TEX11: variants seen among roughly 807,000 people sequenced by gnomAD.
TEX11 encodes the protein testis-expressed protein 11.
In TEX11, 7 loss-of-function variants were observed where a neutral mutation model predicts 84.4. The ratio of observed to expected loss-of-function variants is 0.08; its 90% CI spans 0.05 to 0.16. The LOEUF is 0.16. Ranked by LOEUF, TEX11 falls within the 10% of genes least tolerant of loss-of-function variation. The pLI, the probability that TEX11 is intolerant of heterozygous loss-of-function variation, is 1.00. For synonymous variants in TEX11, 264 were observed against 222.8 expected (o/e 1.18, Z -1.64); for missense variants, 551 against 660.5 (o/e 0.83, Z 1.82).
At chrX:70,752,524 CAAAAAAAAAAAAA>C (rs753939405) in intron 9 of TEX11, among the ~76,000 whole-genome samples, 4 of 28,191 alleles carry the variant, frequency 1.4e-4, no homozygotes, top group Non-Finnish European at 2.1e-4. Flanking sequence ...TACTCTGTCT[CAAAAAAAAAAAAA>C]AAAAAAAAGA....
At chrX:70,560,900 T>G (rs1365190399) in intron 25 of TEX11, among the ~76,000 whole-genome samples, 1 of 35,648 alleles carries the variant, frequency 2.8e-5, no homozygotes, top group East Asian at 5.4e-4. Flanking sequence ...CCGGTTTTTT[T>G]TTTTTTTTTT....
chrX:70,753,436 G>A (rs1328383015), intron 9 of TEX11, among the ~76,000 whole-genome samples: 2 of 103,970 alleles, frequency 1.9e-5, no homozygotes, highest in South Asian at 4.6e-4. Context: ...GGTCAGGGTT[G>A]TGAGGCCCCC....
intron 2 of TEX11, among the ~76,000 whole-genome samples, chrX:70,888,431 T>C (rs1444382782): frequency 1.8e-5 from 2 of 112,488 alleles, no homozygotes; most frequent in Non-Finnish European, 3.8e-5. Flanking sequence ...GCAACTAGCA[T>C]ACTGAAGAAA....
At chrX:70,892,171 A>T (rs1325178551) in intron 2 of TEX11, among the ~76,000 whole-genome samples, 2 of 111,723 alleles carry the variant, frequency 1.8e-5, no homozygotes, top group Non-Finnish European at 1.9e-5. Flanking sequence ...AATAAAAATA[A>T]ATAAAATCCT....
intron 17 of TEX11, among the ~76,000 whole-genome samples, chrX:70,642,177 G>A (rs2089669064): frequency 1.8e-5 from 2 of 111,664 alleles, no homozygotes; most frequent in Non-Finnish European, 3.8e-5. Context: ...AGAAGAAATG[G>A]ATAAACTCCT....
chrX:70,689,420 G>A (rs1040141389), intron 13 of TEX11, among the ~76,000 whole-genome samples: 1 of 111,670 alleles, frequency 9.0e-6, no homozygotes, highest in African/African-American at 3.2e-5. Context: ...TACTTTGCCA[G>A]TGAGAGGAAC....
At chrX:70,785,206 G>A (rs1226273415) in intron 9 of TEX11, among the ~76,000 whole-genome samples, 2 of 111,665 alleles carry the variant, frequency 1.8e-5, no homozygotes, top group Non-Finnish European at 3.8e-5. Context: ...TGACAAACCT[G>A]ACAAAAACAA....
chrX:70,829,498 A>C (rs1271565650), intron 8 of TEX11, among the ~76,000 whole-genome samples: 1 of 108,116 alleles, frequency 9.2e-6, no homozygotes, highest in Admixed American at 1.0e-4. Context: ...AAAAAAAAAA[A>C]AAAACAGTAA....
the TEX11 span, among the ~76,000 whole-genome samples, chrX:70,521,133 C>T: frequency 2.0e-3 from 227 of 111,223 alleles, 1 homozygote; most frequent in African/African-American, 5.7e-3. Flanking sequence ...AGCTCACCCT[C>T]GGTGGGCTGC....
chrX:70,841,943 T>C (rs1402241468), intron 7 of TEX11, among the ~76,000 whole-genome samples: 1 of 111,572 alleles, frequency 9.0e-6, no homozygotes, highest in African/African-American at 3.3e-5. Context: ...AGAAGTTGAA[T>C]CTCTGAATAG....
At chrX:70,901,740 C>T (rs1424707381) in intron 2 of TEX11, among the ~76,000 whole-genome samples, 4 of 111,416 alleles carry the variant, frequency 3.6e-5, no homozygotes, top group African/African-American at 1.3e-4. Context: ...GGTAATGGTC[C>T]GTGGCCCAGG....
At chrX:70,627,214 G>A (rs2089459938) in intron 18 of TEX11, among the ~76,000 whole-genome samples, 1 of 112,288 alleles carries the variant, frequency 8.9e-6, no homozygotes, top group Non-Finnish European at 1.9e-5. Context: ...AATCTTTAGA[G>A]GAGTTTAACT....
intron 17 of TEX11, among the ~76,000 whole-genome samples, chrX:70,639,658 G>C (rs6624485): frequency 0.52 from 56,876 of 110,063 alleles, 11,333 homozygotes; most frequent in East Asian, 0.75. Context: ...AGCAGGGGCA[G>C]ACTGACACCT....
At chrX:70,520,324 A>T in the TEX11 span, among the ~76,000 whole-genome samples, 2 of 111,466 alleles carry the variant, frequency 1.8e-5, no homozygotes, top group Non-Finnish European at 3.8e-5. Context: ...CTTTTTGTTG[A>T]TGTTGATGCT....
chrX:70,831,020 G>A (rs1396633321), intron 8 of TEX11, among the ~76,000 whole-genome samples: 2 of 111,842 alleles, frequency 1.8e-5, no homozygotes, highest in Admixed American at 9.6e-5. Flanking sequence ...CTTGTTCACT[G>A]CAGCATTATT....
intron 8 of TEX11, among the ~76,000 whole-genome samples, chrX:70,808,589 G>T (rs1222120969): frequency 9.2e-6 from 1 of 108,123 alleles, no homozygotes; most frequent in Non-Finnish European, 1.9e-5. Context: ...GTAACACAAA[G>T]GATAAATGCC....
rs779294200 is a variant in TEX11 at position 70,665,095 on chromosome X, C to A, written c.1380+5282G>T. On this transcript the variant is annotated intron_variant, in intron 16 of 29. Coordinates refer to ENST00000374333, the MANE Select transcript of TEX11 (RefSeq NM_031276.3). ...TTGTGTCTGTTGTAAGTCTTACAGC[C>A]ATTCTGTGGTTTGAGAGTGTGGTTC... Among the ~76,000 whole-genome samples the A allele has an allele frequency of 8.1e-5, 9 of 110,764 alleles. No homozygotes were observed. In the South Asian group the frequency reaches 3.4e-3, roughly 42 times the overall value.
chrX:70,558,335 T>C (rs2088317008), intron 25 of TEX11, among the ~76,000 whole-genome samples: 1 of 111,502 alleles, frequency 9.0e-6, no homozygotes, highest in Non-Finnish European at 1.9e-5. Flanking sequence ...GATAGTCTTT[T>C]AATCAAATAG....
intron 11 of TEX11, among the ~76,000 whole-genome samples, chrX:70,731,011 G>A (rs760144496): frequency 4.0e-4 from 45 of 111,279 alleles, no homozygotes; most frequent in African/African-American, 1.1e-3. Context: ...ACTCAAAACC[G>A]CTCAACTACA....
Sources: allele counts gnomAD v4.1 joint callset (sites outside exome capture counted in the v4.1 genomes callset), GRCh38; gene constraint gnomAD v4.1.1; transcripts MANE v1.5; gene names NCBI Gene and HGNC (gene_info 2026-07-23, HGNC 2026-07-21).